Variants in TOP6BL observed in about 807,000 individuals in gnomAD.
The protein encoded by TOP6BL is type 2 DNA topoisomerase 6 subunit B-like.
chr11:66,751,142 A>G, the TOP6BL span, among the ~76,000 whole-genome samples: 1 of 151,976 alleles, frequency 6.6e-6, no homozygotes, highest in Admixed American at 6.6e-5. Flanking sequence ...CAGCCTCCTG[A>G]GTAGCTGGGA....
the TOP6BL span, among the ~76,000 whole-genome samples, chr11:66,781,446 C>T: frequency 6.6e-6 from 1 of 152,330 alleles, no homozygotes; most frequent in East Asian, 1.9e-4. Context: ...TCAGTTCACT[C>T]ATTAAGGCCG....
the TOP6BL span, among the ~76,000 whole-genome samples, chr11:66,784,017 T>TTTTTG: frequency 9.9e-5 from 15 of 151,672 alleles, no homozygotes; most frequent in East Asian, 1.2e-3. Context: ...TTTTTTTTGG[T>TTTTTG]TTTTGTTTTG....
chr11:66,780,722 C>T, the TOP6BL span, among the ~76,000 whole-genome samples: 2 of 152,060 alleles, frequency 1.3e-5, no homozygotes, highest in Non-Finnish European at 2.9e-5. Context: ...ACTGGGATTA[C>T]AGACATGTGC....
chr11:66,822,166 C>T, the TOP6BL span, among the ~76,000 whole-genome samples: 1 of 152,180 alleles, frequency 6.6e-6, no homozygotes, highest in African/African-American at 2.4e-5. Flanking sequence ...TGATTTTCTA[C>T]ATCCATCCAT....
chr11:66,815,813 G>A, the TOP6BL span: 6 of 396,696 alleles, frequency 1.5e-5, no homozygotes, highest in South Asian at 5.9e-5. Flanking sequence ...GTAATGTAAA[G>A]GAGTGCTGTT....
chr11:66,790,318 TAGAA>T, the TOP6BL span, among the ~76,000 whole-genome samples: 1 of 151,516 alleles, frequency 6.6e-6, no homozygotes, highest in African/African-American at 2.4e-5. Flanking sequence ...GGAATATAAA[TAGAA>T]AGATCAAGAA....
the TOP6BL span, among the ~76,000 whole-genome samples, chr11:66,824,434 T>TATTATC: frequency 6.8e-6 from 1 of 146,036 alleles, no homozygotes; most frequent in Non-Finnish European, 1.5e-5. Context: ...TTATTATTAT[T>TATTATC]ATTATTATTA....
chr11:66,833,147 C>G, the TOP6BL span, among the ~76,000 whole-genome samples: 1 of 146,948 alleles, frequency 6.8e-6, no homozygotes, highest in South Asian at 2.2e-4. Context: ...CTCCTGGGTT[C>G]AAGTGATTCT....
chr11:66,796,843 A>G, the TOP6BL span, among the ~76,000 whole-genome samples: 64 of 148,028 alleles, frequency 4.3e-4, 1 homozygote, highest in Middle Eastern at 0.018. Context: ...TTTGGTTTCT[A>G]TGTCCTTAAG....
At chr11:66,757,311 C>A in the TOP6BL span, among the ~76,000 whole-genome samples, 1 of 152,000 alleles carries the variant, frequency 6.6e-6, no homozygotes, top group African/African-American at 2.4e-5. Flanking sequence ...CCACTTCACT[C>A]CAGCCTGGGC....
the TOP6BL span, chr11:66,758,047 G>A: frequency 1.4e-6 from 1 of 718,316 alleles, no homozygotes; most frequent in Non-Finnish European, 1.7e-6. Flanking sequence ...TTTTCTGAGG[G>A]ATAGATATAT....
chr11:66,774,994 T>C, the TOP6BL span, among the ~76,000 whole-genome samples: 2 of 150,284 alleles, frequency 1.3e-5, no homozygotes, highest in Admixed American at 1.3e-4. Flanking sequence ...GCGCCTGTAG[T>C]CCCAGCTACT....
chr11:66,828,223 C>T, the TOP6BL span: 1 of 1,433,098 alleles, frequency 7.0e-7, no homozygotes, highest in Non-Finnish European at 9.8e-7. Context: ...CCCTTGGTTT[C>T]CAGTACTGGA....
chr11:66,813,819 T>C, the TOP6BL span: 2 of 1,553,662 alleles, frequency 1.3e-6, no homozygotes, highest in East Asian at 2.2e-5. Flanking sequence ...AGTGAATACA[T>C]AGTCATAAGA....
the TOP6BL span, among the ~76,000 whole-genome samples, chr11:66,799,869 T>G: frequency 6.6e-6 from 1 of 151,518 alleles, no homozygotes; most frequent in Non-Finnish European, 1.5e-5. Context: ...CACTTGACCT[T>G]GGGAGTTCAA....
At chr11:66,761,584 C>G in the TOP6BL span, 1 of 1,169,532 alleles carries the variant, frequency 8.6e-7, no homozygotes, top group Non-Finnish European at 1.2e-6. Context: ...TCTACTGGCT[C>G]TTGACAAAAC....
the TOP6BL span, chr11:66,796,103 G>A: frequency 1.8e-6 from 1 of 567,210 alleles, no homozygotes; most frequent in Non-Finnish European, 3.2e-6. Flanking sequence ...AACCCAAGAA[G>A]TGATGGCTAT....
the TOP6BL span, chr11:66,843,059 G>A: frequency 2.6e-6 from 4 of 1,568,544 alleles, no homozygotes; most frequent in Non-Finnish European, 2.6e-6. Context: ...AGCCTCGGAA[G>A]CCGCCTGGAG....
At chr11:66,789,345 G>T in the TOP6BL span, among the ~76,000 whole-genome samples, 30 of 152,242 alleles carry the variant, frequency 2.0e-4, no homozygotes, top group African/African-American at 5.8e-4. Flanking sequence ...CCTTTAACAG[G>T]TCTCTCATCT....
Sources: gnomAD v4.1 joint callset for allele counts (sites outside exome capture counted in the v4.1 genomes callset) on GRCh38, gnomAD v4.1.1 for gene constraint, MANE v1.5 for transcripts, NCBI Gene and HGNC (gene_info 2026-07-23, HGNC 2026-07-21) for gene names.